The following TECPR2 variants were observed in gnomAD, a reference collection of about 807,000 sequenced individuals.
The protein encoded by TECPR2 is tectonin beta-propeller repeat containing 2, also known as tectonin beta-propeller repeat-containing protein 2.
TECPR2 carries 65 observed loss-of-function variants against 138.1 expected under a neutral mutation model. The observed-to-expected ratio is 0.47, with a 90% CI of 0.39 to 0.58. TECPR2 has a LOEUF of 0.58. Among genes scored for constraint, TECPR2 ranks in the 20% least tolerant of loss-of-function variants. TECPR2 has a pLI of 0.00. For synonymous variants in TECPR2, 746 were observed against 749.8 expected (o/e 0.99, Z 0.08); for missense variants, 1,553 against 1,824.5 (o/e 0.85, Z 2.71).
rs577778602 is a variant in TECPR2 at position 102,428,233 on chromosome 14, T to G, written c.952-17T>G. The G allele has an allele frequency of 1.7e-4, 239 of 1,370,592 alleles. 6 individuals carry two copies. The East Asian group carries it at 4.2e-3, about 24-fold the overall frequency. The allele number at this position is 1,370,592 out of a possible 1,614,324, so 84.9% of individuals were successfully genotyped here. A position where few individuals can be genotyped will look rare whatever the true frequency, so the allele number is the denominator to read the frequency against. On this transcript the variant is annotated splice_polypyrimidine_tract_variant and intron_variant, in intron 6 of 19. Coordinates refer to ENST00000359520, the MANE Select transcript of TECPR2 (RefSeq NM_014844.5). The stretch of plus-strand genomic sequence containing the variant: ...GTTTTGTGTTTTTTGTTTTTTTTTT[T>G]TTTTTTTTTTTGACAGGCCACAGTT...
At chr14:102,406,030 A>T (rs1306108589) in intron 2 of TECPR2, among the ~76,000 whole-genome samples, 3 of 151,572 alleles carry the variant, frequency 2.0e-5, no homozygotes, top group Non-Finnish European at 4.4e-5. Flanking sequence ...GAGTAGTCAA[A>T]ATCATAAAGA....
chr14:102,485,641 T>C (rs1181673017), intron 17 of TECPR2, among the ~76,000 whole-genome samples: 1 of 152,156 alleles, frequency 6.6e-6, no homozygotes, highest in Non-Finnish European at 1.5e-5. Context: ...CTAGGGAAGC[T>C]TGTCCCAGCC....
chr14:102,404,364 C>T (rs1374413203), intron 2 of TECPR2, among the ~76,000 whole-genome samples: 1 of 151,966 alleles, frequency 6.6e-6, no homozygotes, highest in African/African-American at 2.4e-5. Flanking sequence ...ACCTGAAAAG[C>T]CCCAACAAAC....
intron 2 of TECPR2, among the ~76,000 whole-genome samples, chr14:102,406,431 A>G (rs1374212364): frequency 6.6e-6 from 1 of 152,202 alleles, no homozygotes; most frequent in Non-Finnish European, 1.5e-5. Context: ...CTGTGGTCCC[A>G]GCTACTCAGT....
chr14:102,447,942 G>A (rs971083465), intron 13 of TECPR2, among the ~76,000 whole-genome samples: 4 of 152,152 alleles, frequency 2.6e-5, no homozygotes, highest in Non-Finnish European at 5.9e-5. Flanking sequence ...AGGTCTTTCA[G>A]ATGAGAATGT....
chr14:102,463,440 GA>G (rs1343273416), intron 16 of TECPR2, among the ~76,000 whole-genome samples: 3 of 132,024 alleles, frequency 2.3e-5, no homozygotes. Flanking sequence ...AAAAAAAAAA[GA>G]AAAAAACAAA....
In TECPR2 at chr14:102,452,497, G is replaced by A. The variant is rs1456764854; in HGVS notation, c.3510G>A (p.Glu1170=). 6.2e-7 allele frequency: 1 copy of A among 1,613,368 alleles called. No homozygotes were observed. Among genetic ancestry groups the A allele is most frequent in the South Asian group, 1.1e-5 (1 of 91,028 alleles). ...PSTVQLPPEA[E]MRAYAACQDA... is the part of the protein sequence containing the mutation. ...CGGTGCAGCTGCCTCCCGAAGCCGA[G>A]ATGCGCGCCTATGCCGCCTGCCAGG... The change falls in exon 16 of 20, where the codon GAG becomes GAA. Residue 1170 remains glutamate, a synonymous_variant. Coordinates refer to ENST00000359520, the MANE Select transcript of TECPR2 (RefSeq NM_014844.5).
chr14:102,428,159 T>C (rs1488472269), intron 6 of TECPR2, 91 bp from the exon 7 acceptor site: 2 of 1,422,652 alleles, frequency 1.4e-6, no homozygotes, highest in Non-Finnish European at 1.9e-6. Flanking sequence ...TTGACTGATT[T>C]GGACTCTCAC....
chr14:102,436,217 C>G (rs1889666251), intron 9 of TECPR2, among the ~76,000 whole-genome samples: 1 of 152,200 alleles, frequency 6.6e-6, no homozygotes, highest in South Asian at 2.1e-4. Flanking sequence ...CCAGGACCCC[C>G]TCACTCACCC....
intron 2 of TECPR2, among the ~76,000 whole-genome samples, chr14:102,405,566 G>A (rs988313028): frequency 6.6e-6 from 1 of 152,166 alleles, no homozygotes; most frequent in African/African-American, 2.4e-5. Context: ...CTGGTGCATT[G>A]TTCACAGGAA....
At chr14:102,398,072 C>CAAAAAAAAAAAAAAAAA (rs560266373) in intron 2 of TECPR2, among the ~76,000 whole-genome samples, 2 of 45,734 alleles carry the variant, frequency 4.4e-5, no homozygotes, top group Non-Finnish European at 9.3e-5. Context: ...GATTCTGTCT[C>CAAAAAAAAAAAAAAAAA]AAAAAAAAAA....
At chr14:102,496,946 C>A in intron 17 of TECPR2, 33 bp from the exon 18 acceptor site, 1 of 1,609,256 alleles carries the variant, frequency 6.2e-7, no homozygotes, top group Non-Finnish European at 8.5e-7. Flanking sequence ...CACCCAACTC[C>A]TGCCTTCCCT....
intron 11 of TECPR2, among the ~76,000 whole-genome samples, chr14:102,442,423 G>C (rs943910090): frequency 6.6e-6 from 1 of 152,222 alleles, no homozygotes; most frequent in South Asian, 2.1e-4. Context: ...TGCTGGCCCA[G>C]GTCTCTCCAG....
chr14:102,404,355 C>A (rs1306081148), intron 2 of TECPR2, among the ~76,000 whole-genome samples: 1 of 151,930 alleles, frequency 6.6e-6, no homozygotes, highest in African/African-American at 2.4e-5. Flanking sequence ...CTCAGGAGAA[C>A]CTGAAAAGCC....
rs147033368 is a variant in TECPR2 at position 102,382,187 on chromosome 14, G to A, written c.219+5247G>A. ...GGGCTCCTGTAATCCCAGCTACTCAGGAGACTGAAGCAGGAGAATTGCTTG... is the reference window on the plus strand; with the variant it reads ...GGGCTCCTGTAATCCCAGCTACTCAAGAGACTGAAGCAGGAGAATTGCTTG... On this transcript the variant is annotated intron_variant, in intron 2 of 19. Coordinates refer to ENST00000359520, the MANE Select transcript of TECPR2 (RefSeq NM_014844.5). 6.1e-3 allele frequency among the ~76,000 whole-genome samples: 923 copies of A among 152,098 alleles called. 14 individuals are homozygous for A. The highest frequency in any genetic ancestry group is 0.021 in the African/African-American group (889 of 41,508).
At chr14:102,394,826 T>G (rs1888272290) in intron 2 of TECPR2, among the ~76,000 whole-genome samples, 1 of 152,200 alleles carries the variant, frequency 6.6e-6, no homozygotes, top group African/African-American at 2.4e-5. Context: ...GAGTCTGTCT[T>G]CATCACGATT....
Position 102,428,368 on chromosome 14 carries a change from G to A in TECPR2, c.1070G>A (p.Gly357Glu). 1 of 1,609,052 alleles carries A rather than the reference G, an allele frequency of 6.2e-7. No homozygotes were observed. Among genetic ancestry groups the A allele is most frequent in the African/African-American group, 1.3e-5 (1 of 74,646 alleles). ...NIIRISSRPEGLTSTVRDGLE... is the reference protein window; with the variant it reads ...NIIRISSRPEELTSTVRDGLE... ...ATAAGAATTTCAAGCAGGCCTGAAG[G>A]ATTAACATCAACAGGTTTGTATTTA... Residue 357 changes from glycine to glutamate, a missense_variant, in exon 7 of 20, where the codon GGA (glycine) becomes GAA (glutamate). By Grantham distance (98) the Gly-to-Glu change is moderately conservative. Coordinates refer to ENST00000359520, the MANE Select transcript of TECPR2 (RefSeq NM_014844.5).
At position 102,498,109 on chromosome 14, in the gene TECPR2, C is replaced by A. The variant is rs753381670; in HGVS notation, c.4088C>A (p.Ala1363Glu). Residue 1363 changes from alanine (A) to glutamate (E), a missense_variant, in exon 20 of 20, where the codon GCG (alanine) becomes GAG (glutamate). Ala to Glu is a moderately radical substitution (Grantham distance 107). Transcript: ENST00000359520. ...PGSVSCFTVT[A>E]SDELWAVGPP... ...TTGGCTCTTGTCCCTGCAGTGACTG[C>A]GTCAGATGAGCTGTGGGCTGTGGGC... The A allele has an allele frequency of 6.2e-7, 1 of 1,613,026 alleles. No individual in the cohort carries two copies. The highest frequency in any genetic ancestry group is 8.5e-7 in the Non-Finnish European group (1 of 1,179,806).
chr14:102,492,747 A>C (rs763369273), intron 17 of TECPR2, among the ~76,000 whole-genome samples: 1 of 152,088 alleles, frequency 6.6e-6, no homozygotes, highest in African/African-American at 2.4e-5. Context: ...GTGCCAGGTG[A>C]GCAACGCGTG....
Sources: gnomAD v4.1 joint callset for allele counts (sites outside exome capture counted in the v4.1 genomes callset) on GRCh38, gnomAD v4.1.1 for gene constraint, MANE v1.5 for transcripts, NCBI Gene and HGNC (gene_info 2026-07-23, HGNC 2026-07-21) for gene names.